EYA3: variants seen among roughly 807,000 people sequenced by gnomAD.
EYA3 encodes the protein protein phosphatase EYA3.
In EYA3, 39 loss-of-function variants were observed where a neutral mutation model predicts 80.0. That is an observed-to-expected ratio of 0.49 (90% CI 0.38 to 0.64). EYA3 has a LOEUF of 0.64. Among genes scored for constraint, EYA3 ranks in the 30% least tolerant of loss-of-function variants. The probability of loss-of-function intolerance (pLI) is 0.00; values close to 1 mark genes in which losing one functional copy is unlikely to be tolerated. For synonymous variants in EYA3, 206 were observed against 232.8 expected, an observed-to-expected ratio of 0.88 and a Z score of 1.05; for missense variants, 523 against 676.1, an observed-to-expected ratio of 0.77 and a Z score of 2.51.
At chr1:28,073,103 T>TTATATATACATATACATATATATATATA (rs1553157587) in intron 1 of EYA3, among the ~76,000 whole-genome samples, 10 of 37,762 alleles carry the variant, frequency 2.6e-4, no homozygotes, top group Non-Finnish European at 3.4e-4. Flanking sequence ...GATGAAACTA[T>TTATATATACATATACATATATATATATA]TATATATATA....
intron 2 of EYA3, among the ~76,000 whole-genome samples, chr1:28,056,031 C>T (rs1644426771): frequency 6.6e-6 from 1 of 151,876 alleles, no homozygotes; most frequent in Non-Finnish European, 1.5e-5. Flanking sequence ...CATTACTCTT[C>T]CTGTTCTATT....
At chr1:28,021,325 G>A (rs1033577577) in intron 7 of EYA3, among the ~76,000 whole-genome samples, 2 of 152,062 alleles carry the variant, frequency 1.3e-5, no homozygotes, top group East Asian at 1.9e-4. Flanking sequence ...CCTCAAAGAG[G>A]GTCTTTTTGA....
intron 1 of EYA3, among the ~76,000 whole-genome samples, chr1:28,077,444 G>A (rs780203804): frequency 1.5e-4 from 23 of 152,184 alleles, no homozygotes; most frequent in Admixed American, 2.6e-4. Context: ...TGTTCCAAAG[G>A]AAAAATTTCA....
intron 6 of EYA3, among the ~76,000 whole-genome samples, chr1:28,034,585 T>A (rs1038237111): frequency 6.6e-6 from 1 of 152,160 alleles, no homozygotes; most frequent in Non-Finnish European, 1.5e-5. Flanking sequence ...TCCCAATTCT[T>A]ATTTCTAGCA....
chr1:28,078,175 C>T (rs1254897572), intron 1 of EYA3, among the ~76,000 whole-genome samples: 1 of 152,192 alleles, frequency 6.6e-6, no homozygotes, highest in East Asian at 1.9e-4. Context: ...CTAACTAGCT[C>T]CACTTAAGTT....
chr1:28,063,008 CAAA>C (rs1250302998), intron 1 of EYA3, among the ~76,000 whole-genome samples: 4 of 85,238 alleles, frequency 4.7e-5, no homozygotes, highest in Admixed American at 1.3e-4. Flanking sequence ...CGCTCCATCT[CAAA>C]AAAAAAAAAA....
intron 1 of EYA3, among the ~76,000 whole-genome samples, chr1:28,065,891 TACTC>T (rs1444177522): frequency 1.3e-5 from 2 of 151,696 alleles, no homozygotes; most frequent in African/African-American, 4.8e-5. Flanking sequence ...TAATCCCAGA[TACTC>T]AAGAGGCTGA....
At chr1:28,037,952 C>T (rs1172307725) in intron 5 of EYA3, among the ~76,000 whole-genome samples, 1 of 152,098 alleles carries the variant, frequency 6.6e-6, no homozygotes, top group Non-Finnish European at 1.5e-5. Context: ...ATGCATAGGT[C>T]CACTCTTTAT....
chr1:27,977,982 T>C (rs1639051190), intron 17 of EYA3, among the ~76,000 whole-genome samples: 1 of 152,008 alleles, frequency 6.6e-6, no homozygotes, highest in African/African-American at 2.4e-5. Context: ...CAGAAACAGC[T>C]ATTGGTTGTA....
In EYA3 at chr1:28,058,040, T is replaced by C. The variant is rs576289176; in HGVS notation, c.-14A>G. 7.6e-6 allele frequency: 12 copies of C among 1,585,024 alleles called. 1 individual carries two copies. In the Admixed American group the frequency reaches 1.9e-4, roughly 25 times the overall value. ...CTCTTCTTCCATGAGGACCAATATT[T>C]CTTTATTATACTTATGTGACTGGAT... On this transcript the variant is annotated 5_prime_UTR_variant, in exon 2 of 18. Coordinates refer to ENST00000373871, the MANE Select transcript of EYA3 (RefSeq NM_001990.4).
chr1:28,082,498 A>G (rs1450538241), intron 1 of EYA3, among the ~76,000 whole-genome samples: 1 of 152,188 alleles, frequency 6.6e-6, no homozygotes, highest in Non-Finnish European at 1.5e-5. Flanking sequence ...TCTTTTCTAA[A>G]GTAAAAATAA....
intron 16 of EYA3, among the ~76,000 whole-genome samples, chr1:27,986,373 A>G (rs1318958919): frequency 1.3e-5 from 2 of 151,826 alleles, no homozygotes; most frequent in Non-Finnish European, 2.9e-5. Flanking sequence ...CTCAAAAAAA[A>G]GTAGCATAAA....
chr1:28,046,895 T>G (rs918743841), intron 3 of EYA3, among the ~76,000 whole-genome samples: 4 of 151,804 alleles, frequency 2.6e-5, no homozygotes, highest in South Asian at 2.1e-4. Context: ...CAACCCAGGA[T>G]GGAGTTCAGT....
chr1:28,051,260 G>T (rs1195836802), intron 2 of EYA3, among the ~76,000 whole-genome samples: 4 of 151,726 alleles, frequency 2.6e-5, no homozygotes, highest in Non-Finnish European at 5.9e-5. Context: ...CACTAGAACT[G>T]ATAAACAAGT....
At chr1:28,050,177 T>A (rs1644184419) in intron 2 of EYA3, among the ~76,000 whole-genome samples, 1 of 115,382 alleles carries the variant, frequency 8.7e-6, no homozygotes, top group Non-Finnish European at 1.8e-5. Flanking sequence ...ACTTTTTATT[T>A]ATTATTATTA....
At chr1:28,069,454 C>T (rs1278701688) in intron 1 of EYA3, among the ~76,000 whole-genome samples, 3 of 149,112 alleles carry the variant, frequency 2.0e-5, no homozygotes, top group African/African-American at 5.0e-5. Context: ...TGGGAAGGGG[C>T]GGCTGAGGTA....
chr1:28,048,456 T>C, intron 2 of EYA3, 30 bp from the exon 3 acceptor site: 1 of 1,581,320 alleles, frequency 6.3e-7, no homozygotes, highest in South Asian at 1.1e-5. Flanking sequence ...AAGGTATCAA[T>C]GTACTTGATC....
intron 5 of EYA3, among the ~76,000 whole-genome samples, chr1:28,036,226 C>T (rs543235276): frequency 1.3e-5 from 2 of 152,322 alleles, no homozygotes; most frequent in African/African-American, 4.8e-5. Context: ...AACATCCCTC[C>T]AAGTTCCAAT....
At chr1:28,029,622 C>T (rs920393869) in intron 6 of EYA3, among the ~76,000 whole-genome samples, 9 of 133,640 alleles carry the variant, frequency 6.7e-5, no homozygotes, top group African/African-American at 1.4e-4. Context: ...GATGGAGTTT[C>T]GCTCTTGTTG....
Sources: gnomAD v4.1 joint callset for allele counts (sites outside exome capture counted in the v4.1 genomes callset) on GRCh38, gnomAD v4.1.1 for gene constraint, MANE v1.5 for transcripts, NCBI Gene and HGNC (gene_info 2026-07-23, HGNC 2026-07-21) for gene names.